ANKS1B: variants seen among roughly 807,000 people sequenced by gnomAD.
ANKS1B encodes ankyrin repeat and sterile alpha motif domain containing 1B.
Under a neutral mutation model 148.3 loss-of-function variants are expected in ANKS1B, and 36 were observed. That is an observed-to-expected ratio of 0.24 (90% CI 0.19 to 0.32). The LOEUF (loss-of-function observed/expected upper bound fraction) is 0.32. Among genes scored for constraint, ANKS1B ranks in the 10% least tolerant of loss-of-function variants. The pLI, the probability that ANKS1B is intolerant of heterozygous loss-of-function variation, is 1.00. For synonymous variants in ANKS1B, 542 were observed against 560.8 expected, an observed-to-expected ratio of 0.97 and a Z score of 0.47; for missense variants, 1,157 against 1,542.6, an observed-to-expected ratio of 0.75 and a Z score of 4.19.
intron 14 of ANKS1B, among the ~76,000 whole-genome samples, chr12:99,189,774 T>C (rs192547267): frequency 8.2e-4 from 125 of 152,018 alleles, no homozygotes; most frequent in African/African-American, 2.9e-3. Context: ...CCTTAGAAAA[T>C]GGGCACAAGA....
chr12:99,160,983 C>A (rs71462264), intron 14 of ANKS1B, among the ~76,000 whole-genome samples: 1 of 152,212 alleles, frequency 6.6e-6, no homozygotes, highest in East Asian at 1.9e-4. Flanking sequence ...ATGCCTCTGG[C>A]TTTGTTCTTT....
intron 9 of ANKS1B, among the ~76,000 whole-genome samples, chr12:99,568,244 G>A (rs1168133705): frequency 1.3e-5 from 2 of 152,060 alleles, no homozygotes; most frequent in South Asian, 2.1e-4. Flanking sequence ...TGCATTCCTT[G>A]GGCTCATGGC....
chr12:98,899,625 A>T (rs2099769415), intron 17 of ANKS1B, among the ~76,000 whole-genome samples: 2 of 152,138 alleles, frequency 1.3e-5, no homozygotes, highest in Admixed American at 1.3e-4. Context: ...TGCCCTTCCT[A>T]ATGGCTTGCC....
At chr12:99,493,838 G>T (rs2096577675) in intron 10 of ANKS1B, among the ~76,000 whole-genome samples, 1 of 152,098 alleles carries the variant, frequency 6.6e-6, no homozygotes, top group South Asian at 2.1e-4. Context: ...GATATTAGAT[G>T]GATTAATAGA....
chr12:99,466,754 A>C (rs1392084255), intron 10 of ANKS1B, among the ~76,000 whole-genome samples: 6 of 152,008 alleles, frequency 3.9e-5, no homozygotes, highest in South Asian at 2.1e-4. Flanking sequence ...AGTTGAATCT[A>C]TGAATAGACC....
intron 19 of ANKS1B, among the ~76,000 whole-genome samples, chr12:98,822,169 GAA>G (rs924669790): frequency 6.6e-5 from 10 of 152,006 alleles, no homozygotes; most frequent in African/African-American, 2.2e-4. Context: ...CATGCATCTG[GAA>G]AAGTCCTTGC....
At chr12:99,790,340 C>A (rs1249548420) in intron 4 of ANKS1B, among the ~76,000 whole-genome samples, 1 of 152,052 alleles carries the variant, frequency 6.6e-6, no homozygotes, top group Non-Finnish European at 1.5e-5. Context: ...TTCATCAACA[C>A]CAGGCCTGTC....
intron 12 of ANKS1B, among the ~76,000 whole-genome samples, chr12:99,255,316 T>C (rs1475407913): frequency 2.6e-5 from 4 of 152,144 alleles, no homozygotes; most frequent in Non-Finnish European, 5.9e-5. Context: ...AATGGTTTTT[T>C]GTATCTGTAG....
At chr12:99,505,246 A>G (rs1471925587) in intron 9 of ANKS1B, among the ~76,000 whole-genome samples, 1 of 152,128 alleles carries the variant, frequency 6.6e-6, no homozygotes, top group African/African-American at 2.4e-5. Flanking sequence ...GGATAAAAAG[A>G]GCCTGGGACA....
chr12:98,773,009 T>A (rs751878396), intron 25 of ANKS1B, 33 bp downstream of exon 25: 1 of 1,613,174 alleles, frequency 6.2e-7, no homozygotes, highest in East Asian at 2.2e-5. Flanking sequence ...TTCTGCAAAG[T>A]CTTTAATCTG....
At chr12:99,068,626 G>A in intron 16 of ANKS1B, among the ~76,000 whole-genome samples, 1 of 151,372 alleles carries the variant, frequency 6.6e-6, no homozygotes, top group Non-Finnish European at 1.5e-5. Flanking sequence ...TTAATATATG[G>A]TGAAGTAAGT....
chr12:99,891,522 CGTT>C (rs1446800049), intron 1 of ANKS1B, among the ~76,000 whole-genome samples: 6 of 151,824 alleles, frequency 4.0e-5, no homozygotes, highest in African/African-American at 1.5e-4. Context: ...GCCCGGCCCT[CGTT>C]GTGATTTTAA....
chr12:99,727,848 C>G (rs1047848136), intron 8 of ANKS1B, among the ~76,000 whole-genome samples: 3 of 152,084 alleles, frequency 2.0e-5, no homozygotes, highest in African/African-American at 7.2e-5. Flanking sequence ...CATCTACAAC[C>G]ATCTGATCTT....
intron 12 of ANKS1B, among the ~76,000 whole-genome samples, chr12:99,320,450 A>T (rs1226581696): frequency 6.6e-6 from 1 of 152,000 alleles, no homozygotes; most frequent in Non-Finnish European, 1.5e-5. Context: ...TTTGATCTTC[A>T]ATCACTGATA....
At chr12:99,231,203 C>G (rs1387717801) in intron 14 of ANKS1B, among the ~76,000 whole-genome samples, 1 of 152,006 alleles carries the variant, frequency 6.6e-6, no homozygotes, top group African/African-American at 2.4e-5. Context: ...GACTATGTGG[C>G]CTGTGTTTTG....
At chr12:98,918,450 G>A (rs909417451) in intron 17 of ANKS1B, among the ~76,000 whole-genome samples, 4 of 152,212 alleles carry the variant, frequency 2.6e-5, no homozygotes, top group Non-Finnish European at 5.9e-5. Flanking sequence ...AATAGAAGCA[G>A]AGGATACTCT....
At chr12:99,797,817 G>A (rs560427763) in intron 4 of ANKS1B, among the ~76,000 whole-genome samples, 3 of 152,034 alleles carry the variant, frequency 2.0e-5, no homozygotes, top group South Asian at 2.1e-4. Flanking sequence ...GTCAAGCCTT[G>A]GTAGCACCAA....
intron 15 of ANKS1B, among the ~76,000 whole-genome samples, chr12:99,089,607 G>A (rs993961704): frequency 3.9e-5 from 6 of 152,054 alleles, no homozygotes; most frequent in African/African-American, 9.7e-5. Flanking sequence ...TCAAATCAGG[G>A]ACTCAAAAAT....
intron 12 of ANKS1B, among the ~76,000 whole-genome samples, chr12:99,394,526 C>G (rs2094181186): frequency 6.6e-6 from 1 of 151,692 alleles, no homozygotes; most frequent in African/African-American, 2.4e-5. Flanking sequence ...CAGCAGTGAC[C>G]CCCCCACCCC....
Sources: allele counts gnomAD v4.1 joint callset (sites outside exome capture counted in the v4.1 genomes callset), GRCh38; gene constraint gnomAD v4.1.1; transcripts MANE v1.5; gene names NCBI Gene and HGNC (gene_info 2026-07-23, HGNC 2026-07-21).